The following ANGEL1 variants were observed in gnomAD, a reference collection of about 807,000 sequenced individuals.
The protein encoded by ANGEL1 is angel homolog 1, also known as RNA 2',3'-cyclic phosphatase ANGEL1.
Under a neutral mutation model 76.4 loss-of-function variants are expected in ANGEL1, and 62 were observed. The observed-to-expected ratio is 0.81, with a 90% CI of 0.66 to 1.00. ANGEL1 has a LOEUF of 1.00. ANGEL1 is among the 50% of genes least tolerant of loss of function. The probability of loss-of-function intolerance (pLI) is 0.00; values close to 1 mark genes in which losing one functional copy is unlikely to be tolerated. For synonymous variants in ANGEL1, 340 were observed against 331.7 expected, an observed-to-expected ratio of 1.03 and a Z score of -0.27; for missense variants, 737 against 836.7, an observed-to-expected ratio of 0.88 and a Z score of 1.47.
chr14:76,798,298 T>C (rs1176055008), intron 7 of ANGEL1, among the ~76,000 whole-genome samples: 1 of 152,038 alleles, frequency 6.6e-6, no homozygotes, highest in African/African-American at 2.4e-5. Context: ...CTAATCTTTT[T>C]GAATTTTCTG....
chr14:76,801,182 C>T (rs1205795585), intron 7 of ANGEL1, among the ~76,000 whole-genome samples: 1 of 151,336 alleles, frequency 6.6e-6, no homozygotes, highest in Non-Finnish European at 1.5e-5. Flanking sequence ...ACGAACATGG[C>T]TCACTGCAGC....
intron 7 of ANGEL1, among the ~76,000 whole-genome samples, chr14:76,799,389 G>A (rs1053348153): frequency 3.0e-5 from 4 of 134,210 alleles, no homozygotes; most frequent in Non-Finnish European, 6.2e-5. Flanking sequence ...TGCCTCCCGC[G>A]TTCACACCAT....
intron 7 of ANGEL1, among the ~76,000 whole-genome samples, chr14:76,793,430 GAGGAGGAGGA>G (rs1894478257): frequency 1.1e-5 from 1 of 94,974 alleles, no homozygotes; most frequent in Non-Finnish European, 2.3e-5. Context: ...GAGAGGGGAG[GAGGAGGAGGA>G]GGGGAGGAGA....
In ANGEL1 at chr14:76,809,465, A is replaced by G. The variant is rs749242623; in HGVS notation, c.243T>C (p.Leu81=). 2 of 1,614,146 alleles carry G rather than the reference A, an allele frequency of 1.2e-6. No homozygotes were observed. Among genetic ancestry groups the G allele is most frequent in the South Asian group, 2.2e-5 (2 of 91,078 alleles). The change falls in exon 2 of 10, where the codon CTT becomes CTC. Residue 81 remains leucine (L), a synonymous_variant. Coordinates refer to ENST00000251089, the MANE Select transcript of ANGEL1 (RefSeq NM_015305.4). ...QVLSTASEGP[L]IDKGLAQSSL... ...TGCTCTGGGCTAGTCCTTTATCTAT[A>G]AGGGGCCCCTCACTTGCAGTTGAGA...
intron 2 of ANGEL1, among the ~76,000 whole-genome samples, chr14:76,808,374 C>A (rs748770582): frequency 5.3e-5 from 8 of 152,164 alleles, no homozygotes; most frequent in Non-Finnish European, 8.8e-5. Context: ...ACATCCCCAG[C>A]ACCTAGCATC....
At position 76,790,600 on chromosome 14, in the gene ANGEL1, A is replaced by G; in HGVS notation, c.1852+11T>C. 2 of 1,605,294 alleles carry G rather than the reference A, an allele frequency of 1.2e-6. No homozygotes were observed. Among genetic ancestry groups the G allele is most frequent in the Non-Finnish European group, 8.5e-7 (1 of 1,173,726 alleles). ...CTGGGGGTGGAGGAACCCAGGATCC[A>G]TCAGGCTTACCAGTTCTGTTCCCAT... On this transcript the variant is annotated intron_variant, in intron 9 of 9. Coordinates refer to ENST00000251089, the MANE Select transcript of ANGEL1 (RefSeq NM_015305.4).
intron 9 of ANGEL1, among the ~76,000 whole-genome samples, chr14:76,789,807 G>A (rs1181987527): frequency 6.7e-6 from 1 of 148,888 alleles, no homozygotes; most frequent in African/African-American, 2.5e-5. Flanking sequence ...CGATTCTCCT[G>A]CCTCAGCCTC....
intron 1 of ANGEL1, 65 bp downstream of exon 1, chr14:76,812,699 C>T (rs1419906347): frequency 1.7e-5 from 25 of 1,447,452 alleles, no homozygotes; most frequent in Non-Finnish European, 2.1e-5. Context: ...CCGCCCCAGG[C>T]CCGCGGAGCC....
chr14:76,803,247 A>G (rs1479082855), intron 7 of ANGEL1, 124 bp downstream of exon 7: 10 of 759,190 alleles, frequency 1.3e-5, no homozygotes. Context: ...CCTTCTAAAT[A>G]TACGTATTAC....
At chr14:76,807,305 T>C in intron 4 of ANGEL1, 128 bp downstream of exon 4, 1 of 862,580 alleles carries the variant, frequency 1.2e-6, no homozygotes, top group Non-Finnish European at 1.8e-6. Flanking sequence ...CAGGCACACA[T>C]GGAAGGAGCT....
chr14:76,802,000 T>C (rs1046756155), intron 7 of ANGEL1, among the ~76,000 whole-genome samples: 1 of 148,338 alleles, frequency 6.7e-6, no homozygotes, highest in Non-Finnish European at 1.5e-5. Context: ...TCTACTAAAA[T>C]ACAAAAAAAG....
At chr14:76,790,396 C>T (rs1029190825) in intron 9 of ANGEL1, among the ~76,000 whole-genome samples, 4 of 152,134 alleles carry the variant, frequency 2.6e-5, no homozygotes, top group Non-Finnish European at 5.9e-5. Context: ...ACTGTCCTAC[C>T]CTCCTCTCTT....
chr14:76,790,619 T>C lies in ANGEL1; in HGVS notation c.1844A>G (p.Asn615Ser). 6.2e-7 allele frequency: 1 copy of C among 1,613,418 alleles called. No homozygotes were observed. Among genetic ancestry groups the C allele is most frequent in the Non-Finnish European group, 8.5e-7 (1 of 1,179,576 alleles). The stretch of plus-strand genomic sequence containing the variant: ...GGATCCATCAGGCTTACCAGTTCTG[T>C]TCCCATTCTCACAGGACTCAGCTGA... ...FFSAESCENGNRTDHRLYRDG... is the reference protein window; with the variant it reads ...FFSAESCENGSRTDHRLYRDG... Residue 615 changes from asparagine (N) to serine (S), a missense_variant, in exon 9 of 10, where the codon AAC (asparagine) becomes AGC (serine). Around this residue, in one of 2 missense-constraint regions of ANGEL1, gnomAD observed 296 missense variants for 387.2 expected, o/e 0.76. Coordinates refer to ENST00000251089, the MANE Select transcript of ANGEL1 (RefSeq NM_015305.4).
chr14:76,810,750 C>T (rs1895059817), intron 1 of ANGEL1, among the ~76,000 whole-genome samples: 1 of 152,210 alleles, frequency 6.6e-6, no homozygotes, highest in South Asian at 2.1e-4. Flanking sequence ...CTCTCTGATA[C>T]TGCAGCCACC....
chr14:76,803,605 T>A (rs1033130144), intron 6 of ANGEL1, 124 bp from the exon 7 acceptor site: 1 of 1,356,728 alleles, frequency 7.4e-7, no homozygotes, highest in African/African-American at 1.5e-5. Context: ...CAAGGAGATT[T>A]TCCAAAGGCT....
Position 76,806,407 on chromosome 14 carries a change from C to T in ANGEL1, c.1380+9G>A, listed in dbSNP as rs1894919311. On this transcript the variant is annotated intron_variant, in intron 5 of 9. Transcript: ENST00000251089. ...GTTCCCACCCACACCGTGGCCTCTC[C>T]CATTTCACCTTCCAGGCTGGCATCC... 6.2e-7 allele frequency: 1 copy of T among 1,606,892 alleles called. No individual in the cohort carries two copies. The highest frequency in any genetic ancestry group is 8.5e-7 in the Non-Finnish European group (1 of 1,174,858).
chr14:76,806,366 ATC>A (rs1282253131), intron 5 of ANGEL1, 48 bp downstream of exon 5: 12 of 1,554,298 alleles, frequency 7.7e-6, no homozygotes, highest in Non-Finnish European at 1.0e-5. Flanking sequence ...TAACGCCTGA[ATC>A]TCTCTTAGAC....
chr14:76,798,575 G>A (rs532705329), intron 7 of ANGEL1, among the ~76,000 whole-genome samples: 95 of 152,222 alleles, frequency 6.2e-4, no homozygotes, highest in Non-Finnish European at 7.2e-4. Flanking sequence ...CTGGAAAAAA[G>A]AAATCATTTA....
In ANGEL1 at chr14:76,806,596, G is replaced by A. The variant is rs199620416; in HGVS notation, c.1200C>T (p.Gly400=). Residue 400 remains glycine, a synonymous_variant, in exon 5 of 10, where the codon GGC becomes GGT. Coordinates refer to ENST00000251089, the MANE Select transcript of ANGEL1 (RefSeq NM_015305.4). ...NTHILYNPRR[G]DVKLAQMAIL... is the part of the protein sequence containing the mutation. ...TGGCCATCTGGGCCAGCTTGACATCGCCCCGGCGTGGGTTGTAAAGGATAT... is the reference window on the plus strand; with the variant it reads ...TGGCCATCTGGGCCAGCTTGACATCACCCCGGCGTGGGTTGTAAAGGATAT... 2.0e-5 allele frequency: 33 copies of A among 1,614,056 alleles called. No individual in the cohort carries two copies. The East Asian group carries it at 2.2e-4, about 11-fold the overall frequency.
Sources: allele counts gnomAD v4.1 joint callset (sites outside exome capture counted in the v4.1 genomes callset), GRCh38; gene constraint gnomAD v4.1.1; regional missense constraint gnomAD v4.1.1; transcripts MANE v1.5; gene names NCBI Gene and HGNC (gene_info 2026-07-23, HGNC 2026-07-21).